The following ZNF536 variants were observed in gnomAD, a reference collection of about 807,000 sequenced individuals.
The protein encoded by ZNF536 is zinc finger protein 536.
ZNF536 carries 13 observed loss-of-function variants against 84.5 expected under a neutral mutation model. The ratio of observed to expected loss-of-function variants is 0.15; its 90% CI spans 0.10 to 0.24. ZNF536 has a LOEUF of 0.24. Ranked by LOEUF, ZNF536 falls within the 10% of genes least tolerant of loss-of-function variation. The probability of loss-of-function intolerance (pLI) is 1.00; values close to 1 mark genes in which losing one functional copy is unlikely to be tolerated. For synonymous variants in ZNF536, 811 were observed against 742.5 expected, an observed-to-expected ratio of 1.09 and a Z score of -1.50; for missense variants, 1,536 against 1,747.5, an observed-to-expected ratio of 0.88 and a Z score of 2.16.
Position 30,445,402 on chromosome 19 carries a change from C to G in ZNF536, c.1840C>G (p.Gln614Glu), listed in dbSNP as rs2052276656. The change falls in exon 2 of 5, where the codon CAG (glutamine) becomes GAG (glutamate). Residue 614 changes from glutamine to glutamate, a missense_variant. This residue lies in a region of ZNF536 where 366 missense variants were observed against 364.4 expected (regional missense o/e 1.00). Transcript: ENST00000355537. This position sits in a 1 kb window ranked among gnomAD's most constrained non-coding sequence, Gnocchi z 4.5. Reference protein sequence around the residue: ...SRDFLSHGLNQTLEYNLQGPG... With the variant: ...SRDFLSHGLNETLEYNLQGPG... ...GGATTTTTTGTCACACGGGCTGAAC[C>G]AGACTCTCGAGTATAACCTGCAGGG... is the stretch of plus-strand genomic sequence containing the variant. The G allele has an allele frequency of 6.2e-7, 1 of 1,614,214 alleles. No individual in the cohort carries two copies. The highest frequency in any genetic ancestry group is 8.5e-7 in the Non-Finnish European group (1 of 1,180,048).
intron 1 of ZNF536, among the ~76,000 whole-genome samples, chr19:30,409,637 C>T (rs1008645967): frequency 6.6e-6 from 1 of 152,230 alleles, no homozygotes. Context: ...GATTTGAATA[C>T]CTGTTGCCAA....
chr19:30,305,376 AATG>A (rs2046312738), intron 2 of ZNF536, among the ~76,000 whole-genome samples: 1 of 152,172 alleles, frequency 6.6e-6, no homozygotes, highest in Admixed American at 6.5e-5. Flanking sequence ...AAGGAAGGAA[AATG>A]CACACTTCAC....
intron 3 of ZNF536, among the ~76,000 whole-genome samples, chr19:30,353,386 T>A (rs1213145138): frequency 6.6e-6 from 1 of 152,130 alleles, no homozygotes; most frequent in Non-Finnish European, 1.5e-5. Flanking sequence ...TTCCTTTTTT[T>A]ACCCCCTTTA....
chr19:30,329,025 G>A (rs2047124895), intron 2 of ZNF536, among the ~76,000 whole-genome samples: 1 of 152,204 alleles, frequency 6.6e-6, no homozygotes, highest in South Asian at 2.1e-4. Flanking sequence ...GAGCTCTGTT[G>A]GGTTTTGTTC....
chr19:30,336,356 T>C (rs1022963423), intron 2 of ZNF536, among the ~76,000 whole-genome samples: 1 of 152,194 alleles, frequency 6.6e-6, no homozygotes, highest in Admixed American at 6.5e-5. Context: ...ATGTGCCGAA[T>C]GAGCGGATGA....
intron 1 of ZNF536, among the ~76,000 whole-genome samples, chr19:30,615,456 C>T (rs981883296): frequency 1.3e-5 from 2 of 152,076 alleles, no homozygotes; most frequent in Non-Finnish European, 2.9e-5. Flanking sequence ...TACCCTAGTT[C>T]AGTATGCTCT....
intron 1 of ZNF536, among the ~76,000 whole-genome samples, chr19:30,398,894 T>C (rs563614453): frequency 6.6e-6 from 1 of 152,352 alleles, no homozygotes; most frequent in Non-Finnish European, 1.5e-5. Flanking sequence ...CATGTCTCTT[T>C]ATAGTAGAAT....
intron 1 of ZNF536, among the ~76,000 whole-genome samples, chr19:30,568,305 G>A (rs186071397): frequency 6.6e-6 from 1 of 152,136 alleles, no homozygotes; most frequent in African/African-American, 2.4e-5. Context: ...GGAGTTTCCG[G>A]GGGAAGAGGC....
At chr19:30,297,016 C>T (rs1042633828) in intron 2 of ZNF536, among the ~76,000 whole-genome samples, 27 of 152,188 alleles carry the variant, frequency 1.8e-4, no homozygotes, top group African/African-American at 4.8e-4. Context: ...AGATGCTCCA[C>T]GATCAGGCAC....
chr19:30,328,261 G>A (rs867617197), intron 2 of ZNF536, among the ~76,000 whole-genome samples: 1 of 152,130 alleles, frequency 6.6e-6, no homozygotes, highest in Admixed American at 6.5e-5. Context: ...GAAAGACTTG[G>A]GCCTCCAGGA....
In ZNF536 at chr19:30,429,569, C is replaced by G. The variant is rs548644234; in HGVS notation, c.-2-13992C>G. Among the ~76,000 whole-genome samples the G allele has an allele frequency of 2.3e-4, 35 of 152,246 alleles. No individual in the cohort carries two copies. The East Asian group carries it at 6.8e-3, about 29-fold the overall frequency. On this transcript the variant is annotated intron_variant, in intron 1 of 4. Transcript: ENST00000355537. ...GAGACAAATGAACAAGATTGTTGTT[C>G]TCAAAAAAACTCCCAGTCACCTGAT...
chr19:30,702,427 AG>A (rs1380967940), intron 1 of ZNF536, among the ~76,000 whole-genome samples: 27 of 151,602 alleles, frequency 1.8e-4, no homozygotes, highest in African/African-American at 6.5e-4. Flanking sequence ...TCAAAGTGAG[AG>A]GTAGAGAGAG....
chr19:30,345,887 TGGCAAATTGGGACCGGGA>T, intron 2 of ZNF536, among the ~76,000 whole-genome samples: 1 of 151,982 alleles, frequency 6.6e-6, no homozygotes, highest in East Asian at 1.9e-4. Flanking sequence ...AAGGAGGAGG[TGGCAAATTGGGACCGGGA>T]GGCATCAGTC....
At chr19:30,586,559 A>G (rs2047103206) in intron 1 of ZNF536, among the ~76,000 whole-genome samples, 1 of 152,130 alleles carries the variant, frequency 6.6e-6, no homozygotes, top group Admixed American at 6.5e-5. Context: ...CCCTTCTGGT[A>G]CTTGATATAA....
chr19:30,471,048 T>C (rs1183531937), intron 2 of ZNF536, among the ~76,000 whole-genome samples: 2 of 150,570 alleles, frequency 1.3e-5, no homozygotes, highest in African/African-American at 2.4e-5. Flanking sequence ...CTCAAACACC[T>C]GGGCTCAAGC....
chr19:30,405,779 CA>C (rs1218351395), intron 1 of ZNF536, among the ~76,000 whole-genome samples: 26 of 147,244 alleles, frequency 1.8e-4, no homozygotes, highest in Admixed American at 1.6e-3. Context: ...GCACTGTTAA[CA>C]TTTTTTTTTT....
At chr19:30,693,232 G>C (rs866833896) in intron 1 of ZNF536, among the ~76,000 whole-genome samples, 5 of 152,152 alleles carry the variant, frequency 3.3e-5, no homozygotes, top group Non-Finnish European at 5.9e-5. Flanking sequence ...GTCCACACTG[G>C]ATCACACCAC....
At chr19:30,333,492 A>G (rs150401171) in intron 2 of ZNF536, among the ~76,000 whole-genome samples, 1 of 152,274 alleles carries the variant, frequency 6.6e-6, no homozygotes, top group East Asian at 1.9e-4. Flanking sequence ...GCTGGTCAAG[A>G]GATTCCTCCT....
chr19:30,380,432 C>A (rs2048978725), intron 1 of ZNF536, among the ~76,000 whole-genome samples: 1 of 152,160 alleles, frequency 6.6e-6, no homozygotes, highest in South Asian at 2.1e-4. Flanking sequence ...CCCACGAGCA[C>A]CCCCGGAGAA....
Sources: gnomAD v4.1 joint callset for allele counts (sites outside exome capture counted in the v4.1 genomes callset) on GRCh38, gnomAD v4.1.1 for gene constraint, gnomAD v4.1.1 regional missense constraint, Gnocchi (gnomAD v3.1) non-coding constraint, MANE v1.5 for transcripts, NCBI Gene and HGNC (gene_info 2026-07-23, HGNC 2026-07-21) for gene names.